EIF2AK4: variants seen among roughly 807,000 people sequenced by gnomAD.
EIF2AK4 encodes the protein eIF-2-alpha kinase GCN2.
Under a neutral mutation model 211.1 loss-of-function variants are expected in EIF2AK4, and 139 were observed. That is an observed-to-expected ratio of 0.66 (90% confidence interval 0.57 to 0.76). The LOEUF (loss-of-function observed/expected upper bound fraction) is 0.76, where lower values mean the gene tolerates loss of function less well. EIF2AK4 is among the 30% of genes least tolerant of loss of function. The pLI is 0.00. For synonymous variants in EIF2AK4, 710 were observed against 751.3 expected (o/e 0.94, Z 0.90); for missense variants, 1,664 against 2,043.8 (o/e 0.81, Z 3.58).
At position 39,949,232 on chromosome 15, in the gene EIF2AK4, G is replaced by C; in HGVS notation, c.477G>C (p.Gln159His). Residue 159 changes from glutamine to histidine, a missense_variant, in exon 4 of 39, where the codon CAG becomes CAC. By Grantham distance (24) the Gln-to-His change is conservative. Around this residue, in one of 7 missense-constraint regions of EIF2AK4, gnomAD observed 641 missense variants for 729.6 expected, o/e 0.88. Transcript: ENST00000263791. ...MLERRAQEEQ[Q>H]RLLEAKRKEE... ...AAAGGCGGGCTCAGGAGGAGCAGCA[G>C]AGGCTGTTGGAGGCCAAGCGGAAAG... 1 of 1,614,084 alleles carries C rather than the reference G, an allele frequency of 6.2e-7. No homozygotes were observed. The highest frequency in any genetic ancestry group is 1.7e-5 in the Admixed American group (1 of 60,016).
Position 39,976,692 on chromosome 15 carries a change from C to T in EIF2AK4, c.2097C>T (p.Ala699=). The T allele has an allele frequency of 6.2e-7, 1 of 1,601,010 alleles. No individual in the cohort carries two copies. The highest frequency in any genetic ancestry group is 2.3e-5 in the East Asian group (1 of 44,324). Residue 699 remains alanine (A), a synonymous_variant, in exon 12 of 39, where the codon GCC becomes GCT. Coordinates refer to ENST00000263791, the MANE Select transcript of EIF2AK4 (RefSeq NM_001013703.4). ...DTDGLDSVEA[A]APPPILSSSV... is the part of the protein sequence containing the mutation. ...ACGGCCTGGACAGCGTAGAGGCCGC[C>T]GCGCCGCCACCCATCCTCAGCAGCT...
At chr15:39,945,657 A>G (rs1439043718) in intron 3 of EIF2AK4, among the ~76,000 whole-genome samples, 2 of 152,152 alleles carry the variant, frequency 1.3e-5, no homozygotes, top group East Asian at 3.9e-4. Flanking sequence ...ACAGTCTTAT[A>G]TGGAAGAAGG....
In EIF2AK4 at chr15:40,034,338, G is replaced by A; in HGVS notation, c.4786G>A (p.Glu1596Lys). The change falls in exon 38 of 39, where the codon GAA (glutamate) becomes AAA (lysine). Residue 1596 changes from glutamate (E) to lysine (K), a missense_variant. Transcript: ENST00000263791. ...QFLSLEWDAD[E>K]QAFNTTVKQL... ...ATTTTTTTCCTAGTGGGATGCTGAT[G>A]AACAGGCATTTAACACAACTGTGAA... 6.2e-7 allele frequency: 1 copy of A among 1,613,894 alleles called. No homozygotes were observed. The highest frequency in any genetic ancestry group is 8.5e-7 in the Non-Finnish European group (1 of 1,179,898).
intron 32 of EIF2AK4, among the ~76,000 whole-genome samples, chr15:40,024,984 C>A (rs974980738): frequency 2.6e-5 from 4 of 152,114 alleles, no homozygotes; most frequent in African/African-American, 9.7e-5. Flanking sequence ...AGATAAAGTT[C>A]TCCAAGGGTC....
intron 20 of EIF2AK4, among the ~76,000 whole-genome samples, chr15:39,999,754 T>A (rs1435603544): frequency 2.0e-5 from 3 of 152,226 alleles, no homozygotes; most frequent in Non-Finnish European, 4.4e-5. Context: ...TTGAGTCATG[T>A]TTCTGCTTCT....
chr15:40,014,615 CT>C (rs2035280858), intron 27 of EIF2AK4, among the ~76,000 whole-genome samples: 1 of 152,210 alleles, frequency 6.6e-6, no homozygotes, highest in Admixed American at 6.5e-5. Flanking sequence ...TTTTTTCCTC[CT>C]AGGCCTCCAG....
At chr15:39,996,660 G>A (rs748228409) in intron 18 of EIF2AK4, among the ~76,000 whole-genome samples, 2 of 152,090 alleles carry the variant, frequency 1.3e-5, no homozygotes, top group African/African-American at 2.4e-5. Context: ...GCAGTGAGCC[G>A]AGACTGCACC....
chr15:39,986,683 G>A (rs543618344), intron 14 of EIF2AK4, among the ~76,000 whole-genome samples: 7 of 152,238 alleles, frequency 4.6e-5, no homozygotes, highest in South Asian at 4.1e-4. Flanking sequence ...GTGAAACCCC[G>A]TTACTACTAA....
At chr15:39,970,210 A>T (rs945262177) in intron 9 of EIF2AK4, among the ~76,000 whole-genome samples, 1 of 152,154 alleles carries the variant, frequency 6.6e-6, no homozygotes, top group Admixed American at 6.5e-5. Context: ...AACCTTTTCT[A>T]TATACGGCTA....
At chr15:39,965,127 CTT>C (rs1036955172) in intron 7 of EIF2AK4, among the ~76,000 whole-genome samples, 1 of 152,104 alleles carries the variant, frequency 6.6e-6, no homozygotes, top group Admixed American at 6.5e-5. Flanking sequence ...ACACTGGCCT[CTT>C]TTGTTTTTTG....
chr15:39,967,704 G>A lies in EIF2AK4; in HGVS notation c.1378G>A (p.Glu460Lys). Residue 460 changes from glutamate (E) to lysine (K), a missense_variant, in exon 9 of 39, where the codon GAG becomes AAG. Around this residue, in one of 7 missense-constraint regions of EIF2AK4, gnomAD observed 641 missense variants for 729.6 expected, o/e 0.88. Transcript: ENST00000263791. ...AGACATTTGCAAGGAGGATGTGTTT[G>A]AGCAAACCCGAGTTCGTTTTAGTGA... ...LADICKEDVF[E>K]QTRVRFSDNA... 1.2e-6 allele frequency: 2 copies of A among 1,614,198 alleles called. No homozygotes were observed.
chr15:39,960,854 G>A (rs2034462209), intron 6 of EIF2AK4, among the ~76,000 whole-genome samples: 1 of 152,168 alleles, frequency 6.6e-6, no homozygotes, highest in African/African-American at 2.4e-5. Context: ...TAACTTTATA[G>A]GAGGAACAAT....
Position 39,973,555 on chromosome 15 carries a change from A to G in EIF2AK4, c.1661-37A>G, listed in dbSNP as rs200415241. 3,228 of 1,563,948 alleles carry G rather than the reference A, an allele frequency of 2.1e-3. 4 individuals are homozygous for G. The highest frequency in any genetic ancestry group is 2.5e-3 in the Non-Finnish European group (2,847 of 1,155,488). ...CTATGTAGCTCTTCCTAAATTTCCA[A>G]TGCCTCATGTGCCTCTTACTCCCTG... On this transcript the variant is annotated intron_variant, in intron 10 of 38. Transcript: ENST00000263791.
chr15:40,013,676 C>T (rs1457953415), intron 27 of EIF2AK4, among the ~76,000 whole-genome samples: 4 of 152,258 alleles, frequency 2.6e-5, no homozygotes, highest in African/African-American at 4.8e-5. Flanking sequence ...GGGAAGGACC[C>T]GCCCCCACGA....
rs2034355219 is a variant in EIF2AK4, at chr15:39,953,945, G to A, written c.555G>A (p.Glu185=). ...ATGAGATTCAGAGAAGGAAAGAAGA[G>A]ATAAAAGAAGAGAAAAAAAGGAAAG... ...ILHEIQRRKE[E]IKEEKKRKEM... Residue 185 remains glutamate (E), a synonymous_variant, in exon 5 of 39, where the codon GAG becomes GAA. Transcript: ENST00000263791. 6.2e-7 allele frequency: 1 copy of A among 1,607,672 alleles called. No individual in the cohort carries two copies. The highest frequency in any genetic ancestry group is 1.1e-5 in the South Asian group (1 of 90,484).
At chr15:39,993,314 G>A (rs2034976695) in intron 18 of EIF2AK4, among the ~76,000 whole-genome samples, 1 of 152,196 alleles carries the variant, frequency 6.6e-6, no homozygotes, top group African/African-American at 2.4e-5. Flanking sequence ...AGCCCTCAGG[G>A]AGCTTGTCCA....
chr15:39,957,825 A>C (rs901736201), intron 6 of EIF2AK4, among the ~76,000 whole-genome samples: 1 of 152,210 alleles, frequency 6.6e-6, no homozygotes, highest in Non-Finnish European at 1.5e-5. Flanking sequence ...TAACCAGGGC[A>C]GTTTTGCTTC....
chr15:39,977,353 C>G (rs538029360), intron 12 of EIF2AK4: 1 of 152,828 alleles, frequency 6.5e-6, no homozygotes, highest in South Asian at 2.1e-4. Context: ...AGCGCACAAC[C>G]TGGATCCCTC....
intron 23 of EIF2AK4, among the ~76,000 whole-genome samples, chr15:40,006,694 A>G (rs939134849): frequency 1.3e-5 from 2 of 152,252 alleles, no homozygotes; most frequent in African/African-American, 4.8e-5. Context: ...AATAACTTGC[A>G]CTAATTTTAG....
Sources: allele counts gnomAD v4.1 joint callset (sites outside exome capture counted in the v4.1 genomes callset), GRCh38; gene constraint gnomAD v4.1.1; regional missense constraint gnomAD v4.1.1; transcripts MANE v1.5; gene names NCBI Gene and HGNC (gene_info 2026-07-23, HGNC 2026-07-21).